The following HDAC7 variants were observed in gnomAD, a reference collection of about 807,000 sequenced individuals.
HDAC7 encodes histone deacetylase 7A.
A neutral mutation model predicts 115.5 loss-of-function variants in HDAC7; 26 were observed. The ratio of observed to expected loss-of-function variants is 0.23; its 90% CI spans 0.16 to 0.31. The LOEUF (loss-of-function observed/expected upper bound fraction) is 0.31. Ranked by LOEUF, HDAC7 falls within the 10% of genes least tolerant of loss-of-function variation. The probability of loss-of-function intolerance (pLI) is 1.00; values close to 1 mark genes in which losing one functional copy is unlikely to be tolerated. For synonymous variants in HDAC7, 564 were observed against 550.9 expected (o/e 1.02, Z -0.33); for missense variants, 1,068 against 1,329.0 (o/e 0.80, Z 3.05).
Position 47,793,210 on chromosome 12 carries a change from A to G in HDAC7, c.1678+159T>C, listed in dbSNP as rs1480637601. ...GCCTTGGTCCTCATCGGCCAAATGC[A>G]ATAACCAGCTGTTCCATGTGCTCCA... On this transcript the variant is annotated intron_variant, in intron 13 of 25. Coordinates refer to ENST00000080059, the MANE Select transcript of HDAC7 (RefSeq NM_015401.5). The surrounding 1 kb of genome is among the most constrained non-coding windows in gnomAD (Gnocchi z 4.5). 3.4e-6 allele frequency: 2 copies of G among 580,660 alleles called. No individual in the cohort carries two copies. Among genetic ancestry groups the G allele is most frequent in the Non-Finnish European group, 5.9e-6 (2 of 339,918 alleles). 36.0% of individuals were successfully genotyped at this position (580,660 alleles called of 1,614,324 possible).
intron 16 of HDAC7, chr12:47,791,027 T>G: frequency 1.7e-6 from 1 of 576,086 alleles, no homozygotes; most frequent in Non-Finnish European, 3.1e-6. Flanking sequence ...CCAGACACCT[T>G]CTAGGGGAAG....
At position 47,782,823 on chromosome 12, in the gene HDAC7, G is replaced by C. The variant is rs1942933005; in HGVS notation, c.*1018C>G. ...ACAGGGTATGGTGGGTCCTAGGAAA[G>C]ACACACACACACGCCTCACTCACAC... On this transcript the variant is annotated 3_prime_UTR_variant, in exon 26 of 26. Transcript: ENST00000080059. 6.6e-6 allele frequency: 1 copy of C among 150,734 alleles called. No individual in the cohort carries two copies. The highest frequency in any genetic ancestry group is 1.5e-5 in the Non-Finnish European group (1 of 67,544). 9.3% of individuals were successfully genotyped at this position (150,734 alleles called of 1,614,324 possible). A position where few individuals can be genotyped will look rare whatever the true frequency, so the allele number is the denominator to read the frequency against.
At chr12:47,810,959 A>G (rs1671254903) in intron 1 of HDAC7, among the ~76,000 whole-genome samples, 1 of 152,234 alleles carries the variant, frequency 6.6e-6, no homozygotes, top group South Asian at 2.1e-4. Flanking sequence ...TCTGGGGACT[A>G]GGAACACAGC....
chr12:47,791,801 G>A (rs970333363), intron 14 of HDAC7, 70 bp downstream of exon 14: 44 of 1,511,074 alleles, frequency 2.9e-5, no homozygotes, highest in Non-Finnish European at 4.0e-5. Context: ...GGGCCCCAGG[G>A]CCCCCCACCC....
At chr12:47,810,705 C>G (rs550392278) in intron 1 of HDAC7, among the ~76,000 whole-genome samples, 29 of 152,326 alleles carry the variant, frequency 1.9e-4, no homozygotes, top group African/African-American at 7.0e-4. Flanking sequence ...CGTGAGCTCT[C>G]TGGAAACTGT....
At position 47,797,032 on chromosome 12, in the gene HDAC7, C is replaced by A; in HGVS notation, c.688G>T (p.Ala230Ser). The A allele has an allele frequency of 2.5e-6, 4 of 1,570,730 alleles. No individual in the cohort carries two copies. Among genetic ancestry groups the A allele is most frequent in the Non-Finnish European group, 3.4e-6 (4 of 1,161,820 alleles). The change falls in exon 7 of 26, where the codon GCA becomes TCA. Residue 230 changes from alanine (A) to serine (S), a missense_variant. This residue lies in a region of HDAC7 where 618 missense variants were observed against 701.5 expected (regional missense o/e 0.88). Transcript: ENST00000080059. This position sits in a 1 kb window ranked among gnomAD's most constrained non-coding sequence, Gnocchi z 5.5. ...CGGCCCTCACCTCCGAGGGTCTCTGCGGGCCGCCGCCGGAGGCTGGGGGGC... is the reference window on the plus strand; with the variant it reads ...CGGCCCTCACCTCCGAGGGTCTCTGAGGGCCGCCGCCGGAGGCTGGGGGGC... ...SAPPSLRRRP[A>S]ETLGDSSPSS...
chr12:47,792,628 T>TCA, intron 13 of HDAC7: 1 of 455,858 alleles, frequency 2.2e-6, no homozygotes, highest in East Asian at 6.9e-5. Flanking sequence ...CTCAAAATGC[T>TCA]CACACCATGT....
chr12:47,784,338 C>G lies in HDAC7; in HGVS notation c.2792-121G>C, dbSNP rs1943035613. ...GGCCCCGGAGGAGCGGGCCTGTCCT[C>G]CACTTAGGGTCGGCTCTCCCACCTG... On this transcript the variant is annotated intron_variant, in intron 24 of 25. Coordinates refer to ENST00000080059, the MANE Select transcript of HDAC7 (RefSeq NM_015401.5). The G allele has an allele frequency of 3.5e-6, 4 of 1,132,950 alleles. 1 individual carries two copies. The Admixed American group carries it at 1.1e-4, about 32-fold the overall frequency. The allele number at this position is 1,132,950 out of a possible 1,614,324, so 70.2% of individuals were successfully genotyped here. A position where few individuals can be genotyped will look rare whatever the true frequency, so the allele number is the denominator to read the frequency against.
Position 47,793,276 on chromosome 12 carries a change from C to T in HDAC7, c.1678+93G>A, listed in dbSNP as rs1328359263. 2 of 941,758 alleles carry T rather than the reference C, an allele frequency of 2.1e-6. No homozygotes were observed. Among genetic ancestry groups the T allele is most frequent in the African/African-American group, 1.7e-5 (1 of 60,326 alleles). The allele number at this position is 941,758 out of a possible 1,614,324, so 58.3% of individuals were successfully genotyped here. A position where few individuals can be genotyped will look rare whatever the true frequency, so the allele number is the denominator to read the frequency against. ...CCTAACAAGGCTAAGCACTCTGTGG[C>T]CTCTAAAAATGTCCCAAGTGACACC... On this transcript the variant is annotated intron_variant, in intron 13 of 25. Transcript: ENST00000080059. The surrounding 1 kb of genome is among the most constrained non-coding windows in gnomAD (Gnocchi z 4.5).
At chr12:47,816,005 C>G (rs1313832013) in intron 1 of HDAC7, among the ~76,000 whole-genome samples, 3 of 151,732 alleles carry the variant, frequency 2.0e-5, no homozygotes, top group African/African-American at 4.9e-5. Context: ...AATTCTCCTG[C>G]CTCAGCCTCC....
At chr12:47,807,842 G>T (rs1944468802) in intron 1 of HDAC7, among the ~76,000 whole-genome samples, 1 of 152,164 alleles carries the variant, frequency 6.6e-6, no homozygotes, top group Non-Finnish European at 1.5e-5. Context: ...CAATGGGTTG[G>T]GGTCTTAGAG....
intron 1 of HDAC7, among the ~76,000 whole-genome samples, chr12:47,807,184 C>A (rs1444434896): frequency 6.6e-6 from 1 of 152,172 alleles, no homozygotes; most frequent in Non-Finnish European, 1.5e-5. Flanking sequence ...AGGTGATTTG[C>A]CTGCCTCGGC....
chr12:47,798,480 C>T lies in HDAC7; in HGVS notation c.349+82G>A. 2 of 1,312,562 alleles carry T rather than the reference C, an allele frequency of 1.5e-6. No individual in the cohort carries two copies. Among genetic ancestry groups the T allele is most frequent in the East Asian group, 2.3e-5 (1 of 43,004 alleles). 81.3% of individuals were successfully genotyped at this position (1,312,562 alleles called of 1,614,324 possible). On this transcript the variant is annotated intron_variant, in intron 4 of 25. Transcript: ENST00000080059. This position sits in a 1 kb window ranked among gnomAD's most constrained non-coding sequence, Gnocchi z 4.3. ...GGCCCAGCTGGCTGCGGCCCTCCCACCTCACCCCTCACAAGCCACACAGGC... is the reference window on the plus strand; with the variant it reads ...GGCCCAGCTGGCTGCGGCCCTCCCATCTCACCCCTCACAAGCCACACAGGC...
At chr12:47,785,913 G>A (rs750053245) in intron 22 of HDAC7, 28 bp from the exon 23 acceptor site, 7 of 1,563,164 alleles carry the variant, frequency 4.5e-6, no homozygotes, top group Non-Finnish European at 6.1e-6. Flanking sequence ...AGAAATGGGA[G>A]GGGCGGGAGT....
At chr12:47,817,151 C>T (rs965602163) in intron 1 of HDAC7, among the ~76,000 whole-genome samples, 1 of 152,220 alleles carries the variant, frequency 6.6e-6, no homozygotes, top group South Asian at 2.1e-4. Context: ...ACCTGCTGAC[C>T]GGGCTTCCTG....
chr12:47,818,988 C>T, intron 1 of HDAC7: 1 of 152,614 alleles, frequency 6.6e-6, no homozygotes, highest in Non-Finnish European at 1.5e-5. Context: ...GCCAAATTTG[C>T]CGCCTGCTCT....
Position 47,783,661 on chromosome 12 carries a change from T to G in HDAC7, c.*180A>C. On this transcript the variant is annotated 3_prime_UTR_variant, in exon 26 of 26. Coordinates refer to ENST00000080059, the MANE Select transcript of HDAC7 (RefSeq NM_015401.5). ...CTCTCAGGGTCCTCTCCAGTTCCCA[T>G]TCTAGACCCAGGGATTTTCTCACGC... is the stretch of plus-strand genomic sequence containing the variant. 5 of 683,084 alleles carry G rather than the reference T, an allele frequency of 7.3e-6. No individual in the cohort carries two copies. The highest frequency in any genetic ancestry group is 2.8e-5 in the East Asian group (1 of 35,600). The allele number at this position is 683,084 out of a possible 1,614,324, so 42.3% of individuals were successfully genotyped here.
rs1943992198 is a variant in HDAC7, at chr12:47,798,488, C to T, written c.349+74G>A. ...TGGCTGCGGCCCTCCCACCTCACCC[C>T]TCACAAGCCACACAGGCAGCCGCAG... On this transcript the variant is annotated intron_variant, in intron 4 of 25. Coordinates refer to ENST00000080059, the MANE Select transcript of HDAC7 (RefSeq NM_015401.5). This position sits in a 1 kb window ranked among gnomAD's most constrained non-coding sequence, Gnocchi z 4.3. The T allele has an allele frequency of 2.1e-6, 3 of 1,411,526 alleles. No homozygotes were observed. The highest frequency in any genetic ancestry group is 2.3e-5 in the East Asian group (1 of 43,676). The allele number at this position is 1,411,526 out of a possible 1,614,324, so 87.4% of individuals were successfully genotyped here. A position where few individuals can be genotyped will look rare whatever the true frequency, so the allele number is the denominator to read the frequency against.
chr12:47,795,077 T>G lies in HDAC7; in HGVS notation c.1284+107A>C. On this transcript the variant is annotated intron_variant, in intron 11 of 25. Transcript: ENST00000080059. This position sits in a 1 kb window ranked among gnomAD's most constrained non-coding sequence, Gnocchi z 4.3. ...TGGGCCCCAAGAAGCCACATCCCCC[T>G]CTTTTGCCCTCCAGTTCCCTGCCCT... is the stretch of plus-strand genomic sequence containing the variant. 1 of 1,312,620 alleles carries G rather than the reference T, an allele frequency of 7.6e-7. No individual in the cohort carries two copies. The highest frequency in any genetic ancestry group is 1.1e-6 in the Non-Finnish European group (1 of 938,522). 81.3% of individuals were successfully genotyped at this position (1,312,620 alleles called of 1,614,324 possible). A position where few individuals can be genotyped will look rare whatever the true frequency, so the allele number is the denominator to read the frequency against.
Sources: gnomAD v4.1 joint callset for allele counts (sites outside exome capture counted in the v4.1 genomes callset) on GRCh38, gnomAD v4.1.1 for gene constraint, gnomAD v4.1.1 regional missense constraint, Gnocchi (gnomAD v3.1) non-coding constraint, MANE v1.5 for transcripts, NCBI Gene and HGNC (gene_info 2026-07-23, HGNC 2026-07-21) for gene names.